The following PDLIM5 variants were observed in gnomAD, a reference collection of about 807,000 sequenced individuals.
The protein encoded by PDLIM5 is PDZ and LIM domain protein 5.
In PDLIM5, 34 loss-of-function variants were observed where a neutral mutation model predicts 64.2. That is an observed-to-expected ratio of 0.53 (90% CI 0.40 to 0.71). The LOEUF is 0.71. PDLIM5 is among the 30% of genes least tolerant of loss of function. The pLI is 0.00. For missense variants in PDLIM5, 683 were observed against 733.6 expected (o/e 0.93, Z 0.80); for synonymous variants, 253 against 269.1 (o/e 0.94, Z 0.59).
chr4:94,551,632 T>G (rs988222273), intron 3 of PDLIM5, among the ~76,000 whole-genome samples: 1 of 152,052 alleles, frequency 6.6e-6, no homozygotes, highest in Non-Finnish European at 1.5e-5. Context: ...GAAGAAGGAG[T>G]CACTTTTTAT....
chr4:94,506,251 A>G (rs1444781215), intron 2 of PDLIM5, among the ~76,000 whole-genome samples: 2 of 152,188 alleles, frequency 1.3e-5, no homozygotes, highest in Non-Finnish European at 2.9e-5. Context: ...AGTATGATAT[A>G]ATTTATGGAT....
intron 7 of PDLIM5, among the ~76,000 whole-genome samples, chr4:94,613,528 C>T (rs1178518639): frequency 6.6e-6 from 1 of 152,060 alleles, no homozygotes; most frequent in Non-Finnish European, 1.5e-5. Context: ...TAAACTTTTG[C>T]TCTATTAGTG....
chr4:94,550,246 T>A (rs929887769), intron 3 of PDLIM5, among the ~76,000 whole-genome samples: 2 of 152,164 alleles, frequency 1.3e-5, no homozygotes, highest in African/African-American at 4.8e-5. Flanking sequence ...TATGGATTAT[T>A]TTTCTATATA....
At chr4:94,484,242 A>AT (rs1182451194) in intron 2 of PDLIM5, among the ~76,000 whole-genome samples, 1 of 152,146 alleles carries the variant, frequency 6.6e-6, no homozygotes, top group African/African-American at 2.4e-5. Flanking sequence ...TTGAAATAAT[A>AT]TTTTTTGTTG....
At chr4:94,516,158 G>C (rs1729338987) in intron 2 of PDLIM5, among the ~76,000 whole-genome samples, 1 of 152,170 alleles carries the variant, frequency 6.6e-6, no homozygotes, top group Non-Finnish European at 1.5e-5. Context: ...TACTAGAACA[G>C]ACCGTGCTGT....
Position 94,455,378 on chromosome 4 carries a change from C to T in PDLIM5, c.90C>T (p.Ile30=). The change falls in exon 2 of 13, where the codon ATC becomes ATT. Residue 30 remains isoleucine (I), a synonymous_variant. Coordinates refer to ENST00000317968, the MANE Select transcript of PDLIM5 (RefSeq NM_006457.5). ...AGGATTTCAACATGCCTCTGACAAT[C>T]TCTAGTGTAAGTAAACTTTACAAAT... ...GGKDFNMPLT[I]SSLKDGGKAA... 1.2e-6 allele frequency: 2 copies of T among 1,601,498 alleles called. No homozygotes were observed. Among genetic ancestry groups the T allele is most frequent in the Non-Finnish European group, 8.6e-7 (1 of 1,168,512 alleles).
intron 2 of PDLIM5, among the ~76,000 whole-genome samples, chr4:94,480,802 G>A (rs1725780610): frequency 6.6e-6 from 1 of 152,156 alleles, no homozygotes; most frequent in Non-Finnish European, 1.5e-5. Context: ...GCAGGGAAAA[G>A]ATATGAGTGA....
chr4:94,553,795 CCAAGAAATTCTGTAT>C (rs1490732629), intron 3 of PDLIM5, among the ~76,000 whole-genome samples: 5 of 152,100 alleles, frequency 3.3e-5, no homozygotes, highest in Non-Finnish European at 5.9e-5. Context: ...CCATTTCTTA[CCAAGAAATTCTGTAT>C]CAAGAAATTC....
chr4:94,478,901 T>G (rs1407659144), intron 2 of PDLIM5, among the ~76,000 whole-genome samples: 2 of 145,738 alleles, frequency 1.4e-5, no homozygotes, highest in East Asian at 3.9e-4. Context: ...TTTTTTTTTT[T>G]TTTTTTTTTT....
intron 2 of PDLIM5, among the ~76,000 whole-genome samples, chr4:94,475,380 T>C (rs1219657432): frequency 6.6e-6 from 1 of 152,234 alleles, no homozygotes; most frequent in East Asian, 1.9e-4. Flanking sequence ...AATTGGCAGT[T>C]GATTTAGCAG....
chr4:94,468,746 T>G (rs1037729122), intron 2 of PDLIM5, among the ~76,000 whole-genome samples: 2 of 152,224 alleles, frequency 1.3e-5, no homozygotes, highest in African/African-American at 4.8e-5. Flanking sequence ...CTACTTACTA[T>G]CTTTTAGGAG....
At chr4:94,626,334 G>T (rs1739694098) in intron 8 of PDLIM5, among the ~76,000 whole-genome samples, 1 of 152,100 alleles carries the variant, frequency 6.6e-6, no homozygotes, top group African/African-American at 2.4e-5. Context: ...GCACAATAAG[G>T]TAATGTCATT....
At chr4:94,568,096 G>A (rs1734491786) in intron 3 of PDLIM5, among the ~76,000 whole-genome samples, 1 of 152,240 alleles carries the variant, frequency 6.6e-6, no homozygotes, top group South Asian at 2.1e-4. Flanking sequence ...GAGACCAAAA[G>A]AGGCATGGTC....
At chr4:94,460,180 T>C (rs1723750709) in intron 2 of PDLIM5, among the ~76,000 whole-genome samples, 1 of 152,234 alleles carries the variant, frequency 6.6e-6, no homozygotes, top group Non-Finnish European at 1.5e-5. Flanking sequence ...ACCTTTTGTG[T>C]GAAGTTCAGA....
intron 2 of PDLIM5, among the ~76,000 whole-genome samples, chr4:94,516,828 AC>A (rs1351841170): frequency 2.0e-5 from 3 of 152,136 alleles, no homozygotes; most frequent in Admixed American, 1.3e-4. Context: ...CACTGTGCCC[AC>A]CCCAGCCTTA....
chr4:94,510,098 A>T (rs1452095199), intron 2 of PDLIM5, among the ~76,000 whole-genome samples: 1 of 152,204 alleles, frequency 6.6e-6, no homozygotes, highest in Non-Finnish European at 1.5e-5. Flanking sequence ...GTTCAGTATT[A>T]AATGTCAGGG....
At chr4:94,510,360 GT>G (rs921435903) in intron 2 of PDLIM5, among the ~76,000 whole-genome samples, 1 of 151,910 alleles carries the variant, frequency 6.6e-6, no homozygotes, top group African/African-American at 2.4e-5. Flanking sequence ...TGCACACCAT[GT>G]TTTTTTCCAA....
chr4:94,552,440 G>A (rs1170575527), intron 3 of PDLIM5, among the ~76,000 whole-genome samples: 1 of 151,998 alleles, frequency 6.6e-6, no homozygotes, highest in African/African-American at 2.4e-5. Context: ...TTATGAAAGG[G>A]ATTATATGTG....
chr4:94,474,494 G>A (rs112197007), intron 2 of PDLIM5, among the ~76,000 whole-genome samples: 3,487 of 152,076 alleles, frequency 0.023, 135 homozygotes, highest in African/African-American at 0.08. Flanking sequence ...CAGGTGATCT[G>A]CCCACCTTGG....
Sources: allele counts gnomAD v4.1 joint callset (sites outside exome capture counted in the v4.1 genomes callset), GRCh38; gene constraint gnomAD v4.1.1; transcripts MANE v1.5; gene names NCBI Gene and HGNC (gene_info 2026-07-23, HGNC 2026-07-21).